The following CEMIP2 variants were observed in gnomAD, a reference collection of about 807,000 sequenced individuals.
CEMIP2 encodes the protein cell migration inducing hyaluronidase 2.
In CEMIP2, 79 loss-of-function variants were observed where a neutral mutation model predicts 146.9. The ratio of observed to expected loss-of-function variants is 0.54; its 90% CI spans 0.45 to 0.65. CEMIP2 has a LOEUF of 0.65. CEMIP2 is among the 30% of genes least tolerant of loss of function. The pLI is 0.00. For missense variants in CEMIP2, 1,596 were observed against 1,696.2 expected, an observed-to-expected ratio of 0.94 and a Z score of 1.04; for synonymous variants, 601 against 606.3, an observed-to-expected ratio of 0.99 and a Z score of 0.13.
chr9:71,691,973 G>T (rs1589125468), intron 21 of CEMIP2, among the ~76,000 whole-genome samples: 1 of 152,206 alleles, frequency 6.6e-6, no homozygotes, highest in East Asian at 1.9e-4. Context: ...GCTGGGCATG[G>T]TGCCTAGCAC....
At chr9:71,732,643 C>T (rs1823652369) in intron 6 of CEMIP2, 123 bp from the exon 7 acceptor site, 2 of 812,878 alleles carry the variant, frequency 2.5e-6, no homozygotes, top group Admixed American at 8.2e-5. Context: ...TCATCTGCTC[C>T]CATTCTCTGA....
At chr9:71,754,257 T>A (rs902811256) in intron 1 of CEMIP2, among the ~76,000 whole-genome samples, 2 of 152,178 alleles carry the variant, frequency 1.3e-5, no homozygotes, top group African/African-American at 4.8e-5. Flanking sequence ...AATCACTTGT[T>A]TGGAAGGCAA....
chr9:71,722,387 A>G lies in CEMIP2; in HGVS notation c.2267+40T>C, dbSNP rs762678121. 10 of 1,523,544 alleles carry G rather than the reference A, an allele frequency of 6.6e-6. 1 individual carries two copies. The South Asian group carries it at 1.1e-4, about 16-fold the overall frequency. 94.4% of individuals were successfully genotyped at this position (1,523,544 alleles called of 1,614,324 possible). A position where few individuals can be genotyped will look rare whatever the true frequency, so the allele number is the denominator to read the frequency against. ...TCCAGTTAGAAAGTTTTGCTTTGGC[A>G]AAGTATAGCTTGAGTGTGACTTAAA... On this transcript the variant is annotated intron_variant, in intron 12 of 23. Transcript: ENST00000377044.
intron 1 of CEMIP2, among the ~76,000 whole-genome samples, chr9:71,758,061 C>G (rs1824517422): frequency 6.6e-6 from 1 of 152,070 alleles, no homozygotes; most frequent in Non-Finnish European, 1.5e-5. Flanking sequence ...AATGTATCAC[C>G]TATTCTATTC....
intron 11 of CEMIP2, 152 bp downstream of exon 11, chr9:71,725,429 A>C: frequency 1.2e-6 from 1 of 814,490 alleles, no homozygotes; most frequent in Non-Finnish European, 1.8e-6. Context: ...CAGCCTTCAG[A>C]AGTGTGAGCC....
In CEMIP2 at chr9:71,686,024, T is replaced by C. The variant is rs745971603; in HGVS notation, c.3852-178A>G. 1.5e-4 allele frequency: 87 copies of C among 590,708 alleles called. 1 individual carries two copies. Among genetic ancestry groups the C allele is most frequent in the South Asian group, 4.0e-4 (19 of 47,206 alleles). The allele number at this position is 590,708 out of a possible 1,614,324, so 36.6% of individuals were successfully genotyped here. A position where few individuals can be genotyped will look rare whatever the true frequency, so the allele number is the denominator to read the frequency against. On this transcript the variant is annotated intron_variant, in intron 22 of 23. Coordinates refer to ENST00000377044, the MANE Select transcript of CEMIP2 (RefSeq NM_013390.3). ...TTCCCACTCTTCCACCCCACCACCA[T>C]GGGCTTCACACGTTGCTCTTACAAG...
intron 13 of CEMIP2, among the ~76,000 whole-genome samples, chr9:71,717,371 C>G (rs1823088612): frequency 6.6e-6 from 1 of 151,906 alleles, no homozygotes; most frequent in South Asian, 2.1e-4. Flanking sequence ...TGTGAAATGC[C>G]AAGAAGCTAA....
intron 17 of CEMIP2, among the ~76,000 whole-genome samples, chr9:71,708,088 A>T (rs533272326): frequency 6.6e-6 from 1 of 152,328 alleles, no homozygotes; most frequent in South Asian, 2.1e-4. Context: ...CAGGAGGCTG[A>T]GGCAGGAGAA....
At chr9:71,726,024 C>T (rs1421724130) in intron 10 of CEMIP2, among the ~76,000 whole-genome samples, 4 of 152,172 alleles carry the variant, frequency 2.6e-5, no homozygotes, top group African/African-American at 4.8e-5. Flanking sequence ...AAAACCAAAT[C>T]GGCTTTCCAT....
intron 16 of CEMIP2, 85 bp from the exon 17 acceptor site, chr9:71,709,559 AT>A (rs1822848328): frequency 8.9e-7 from 1 of 1,124,968 alleles, no homozygotes; most frequent in Non-Finnish European, 1.3e-6. Context: ...CTGCAGGTCC[AT>A]TGTGATTGCT....
intron 10 of CEMIP2, among the ~76,000 whole-genome samples, chr9:71,729,402 G>T (rs1022469037): frequency 6.6e-6 from 1 of 151,860 alleles, no homozygotes. Context: ...GGCAGATCAC[G>T]AGGTCAGGAG....
chr9:71,728,271 A>ATATACG (rs1165222526), intron 10 of CEMIP2, among the ~76,000 whole-genome samples: 2 of 11,272 alleles, frequency 1.8e-4, no homozygotes, highest in African/African-American at 3.2e-4. Flanking sequence ...GTATATATAT[A>ATATACG]TATATATATG....
chr9:71,692,632 GGT>G (rs1223161378), intron 21 of CEMIP2, among the ~76,000 whole-genome samples: 1 of 152,082 alleles, frequency 6.6e-6, no homozygotes, highest in Non-Finnish European at 1.5e-5. Flanking sequence ...ACTTTAACCT[GGT>G]GTGGTGGCTC....
At chr9:71,693,229 T>C (rs1822286023) in intron 21 of CEMIP2, among the ~76,000 whole-genome samples, 2 of 152,198 alleles carry the variant, frequency 1.3e-5, no homozygotes, top group South Asian at 4.1e-4. Context: ...AAAGACCACA[T>C]GAGATGGCAC....
intron 1 of CEMIP2, among the ~76,000 whole-genome samples, chr9:71,756,361 G>T (rs1183091846): frequency 6.6e-6 from 1 of 150,704 alleles, no homozygotes; most frequent in East Asian, 1.9e-4. Flanking sequence ...ATACATACAT[G>T]TAGTTATTGA....
chr9:71,732,875 T>C (rs1476107444), intron 6 of CEMIP2, among the ~76,000 whole-genome samples: 1 of 151,878 alleles, frequency 6.6e-6, no homozygotes, highest in Non-Finnish European at 1.5e-5. Flanking sequence ...CCCCACCCAC[T>C]GCCTGAACCC....
chr9:71,761,149 C>T (rs780253971), intron 1 of CEMIP2, among the ~76,000 whole-genome samples: 5 of 152,324 alleles, frequency 3.3e-5, no homozygotes, highest in African/African-American at 1.2e-4. Context: ...GAACCAAAGT[C>T]GAAGTCTGTC....
intron 1 of CEMIP2, among the ~76,000 whole-genome samples, chr9:71,768,082 C>A (rs1175918006): frequency 6.6e-6 from 1 of 152,212 alleles, no homozygotes; most frequent in Admixed American, 6.5e-5. Context: ...GAAATCAAGA[C>A]ACCGTTCCCG....
At chr9:71,714,875 A>T (rs1029024343) in intron 15 of CEMIP2, 59 bp downstream of exon 15, 5 of 1,555,900 alleles carry the variant, frequency 3.2e-6, no homozygotes, top group Non-Finnish European at 2.6e-6. Flanking sequence ...AACTTCCCTG[A>T]GGGTTAGGTT....
Sources: allele counts gnomAD v4.1 joint callset (sites outside exome capture counted in the v4.1 genomes callset), GRCh38; gene constraint gnomAD v4.1.1; transcripts MANE v1.5; gene names NCBI Gene and HGNC (gene_info 2026-07-23, HGNC 2026-07-21).